The following UNC13B variants were observed in gnomAD, a reference collection of about 807,000 sequenced individuals.
UNC13B encodes protein unc-13 homolog B.
In UNC13B, 144 loss-of-function variants were observed where a neutral mutation model predicts 211.0. That is an observed-to-expected ratio of 0.68 (90% CI 0.60 to 0.78). UNC13B has a LOEUF of 0.78. UNC13B is among the 30% of genes least tolerant of loss of function. The pLI is 0.00. For missense variants in UNC13B, 1,777 were observed against 2,002.0 expected (o/e 0.89, Z 2.14); for synonymous variants, 709 against 725.8 (o/e 0.98, Z 0.37).
rs1053785917 is a variant in UNC13B, at chr9:35,303,777, C to T, written c.4373C>T (p.Pro1458Leu). 10 of 398,638 alleles carry T rather than the reference C, an allele frequency of 2.5e-5. No homozygotes were observed. Among genetic ancestry groups the T allele is most frequent in the African/African-American group, 1.9e-4 (9 of 48,612 alleles). The allele number at this position is 398,638 out of a possible 1,614,324, so 24.7% of individuals were successfully genotyped here. A position where few individuals can be genotyped will look rare whatever the true frequency, so the allele number is the denominator to read the frequency against. The change falls in exon 9 of 40, where the codon CCT (proline) becomes CTT (leucine). Residue 1458 changes from proline to leucine, a missense_variant. Transcript: ENST00000635942. Reference protein sequence around the residue: ...AANSLYGNSGPLPINEANNSL... With the variant: ...AANSLYGNSGLLPINEANNSL... ...AACTCATTATATGGAAACTCTGGTC[C>T]TCTTCCAATTAATGAGGCTAATAAT...
intron 1 of UNC13B, among the ~76,000 whole-genome samples, chr9:35,178,685 G>A (rs1821770326): frequency 6.6e-6 from 1 of 151,714 alleles, no homozygotes; most frequent in South Asian, 2.1e-4. Context: ...GAGGTTAGGA[G>A]TTTGAGACCA....
chr9:35,319,402 CAAAAAAAAAAAAAAAA>C (rs74176715), intron 11 of UNC13B, among the ~76,000 whole-genome samples: 39 of 56,182 alleles, frequency 6.9e-4, no homozygotes, highest in African/African-American at 2.1e-3. Flanking sequence ...GACCCTATCT[CAAAAAAAAAAAAAAAA>C]AAAAAAAAAA....
In UNC13B at chr9:35,243,326, A is replaced by G; in HGVS notation, c.430A>G (p.Lys144Glu). 1 of 1,613,540 alleles carries G rather than the reference A, an allele frequency of 6.2e-7. No homozygotes were observed. The highest frequency in any genetic ancestry group is 8.5e-7 in the Non-Finnish European group (1 of 1,179,594). Residue 144 changes from lysine (K) to glutamate (E), a missense_variant, in exon 6 of 40, where the codon AAA (lysine) becomes GAA (glutamate). Physicochemically the swap from Lys to Glu is moderately conservative, Grantham distance 56. Transcript: ENST00000635942. ...GGAGGAAGCCAGATATTGGACCTAC[A>G]AATGGGAGCAAATCAATGCCTTGGG... Reference protein sequence around the residue: ...PEEEARYWTYKWEQINALGAD... With the variant: ...PEEEARYWTYEWEQINALGAD...
At chr9:35,175,078 C>T (rs1008437730) in intron 1 of UNC13B, among the ~76,000 whole-genome samples, 13 of 152,346 alleles carry the variant, frequency 8.5e-5, no homozygotes, top group Admixed American at 4.6e-4. Flanking sequence ...GGATTACAGG[C>T]GTGAGCCCCT....
At chr9:35,276,681 A>C (rs566015471) in intron 7 of UNC13B, among the ~76,000 whole-genome samples, 15 of 152,224 alleles carry the variant, frequency 9.9e-5, no homozygotes, top group Non-Finnish European at 1.9e-4. Context: ...AGAAATGTGT[A>C]ATATAGAAAG....
intron 7 of UNC13B, among the ~76,000 whole-genome samples, chr9:35,274,617 T>C (rs1192226092): frequency 6.6e-6 from 1 of 152,144 alleles, no homozygotes; most frequent in African/African-American, 2.4e-5. Context: ...ACAATGAAAT[T>C]TGGGGGACAA....
At chr9:35,274,879 T>C (rs1828085686) in intron 7 of UNC13B, among the ~76,000 whole-genome samples, 1 of 152,138 alleles carries the variant, frequency 6.6e-6, no homozygotes, top group African/African-American at 2.4e-5. Flanking sequence ...CTCCATAACT[T>C]TCCCAATCAT....
At chr9:35,357,575 A>ATTTTTTTTTTTTTTTT (rs1833109328) in intron 11 of UNC13B, among the ~76,000 whole-genome samples, 1 of 113,478 alleles carries the variant, frequency 8.8e-6, no homozygotes. Flanking sequence ...ACATTTTTTT[A>ATTTTTTTTTTTTTTTT]TTGTTTTTTT....
chr9:35,265,680 G>C (rs1827528972), intron 7 of UNC13B, among the ~76,000 whole-genome samples: 1 of 152,066 alleles, frequency 6.6e-6, no homozygotes, highest in African/African-American at 2.4e-5. Context: ...GCTCATGCTT[G>C]TAATTTCAGC....
At chr9:35,185,077 A>G (rs539879559) in intron 1 of UNC13B, among the ~76,000 whole-genome samples, 44 of 152,066 alleles carry the variant, frequency 2.9e-4, no homozygotes, top group Non-Finnish European at 4.0e-4. Flanking sequence ...TCTGTTTCCT[A>G]TTAGAAGCCT....
In UNC13B at chr9:35,237,719, G is replaced by C; in HGVS notation, c.287G>C (p.Trp96Ser). 6.2e-7 allele frequency: 1 copy of C among 1,613,434 alleles called. No individual in the cohort carries two copies. Among genetic ancestry groups the C allele is most frequent in the Non-Finnish European group, 8.5e-7 (1 of 1,179,842 alleles). ...GTTTCCTAGGAAGGGCCTGGGGAATGGTCCACATTAGAGGCAGAGACGTTA... is the reference window on the plus strand; with the variant it reads ...GTTTCCTAGGAAGGGCCTGGGGAATCGTCCACATTAGAGGCAGAGACGTTA... ...RQSDEEGPGE[W>S]STLEAETLMK... Residue 96 changes from tryptophan to serine, a missense_variant, in exon 5 of 40, where the codon TGG becomes TCG. By Grantham distance (177) the Trp-to-Ser change is radical. Transcript: ENST00000635942.
chr9:35,220,887 G>C (rs1414020954), intron 1 of UNC13B, among the ~76,000 whole-genome samples: 1 of 151,900 alleles, frequency 6.6e-6, no homozygotes, highest in Non-Finnish European at 1.5e-5. Flanking sequence ...AGTGTACAAG[G>C]GTTCCCTTTC....
chr9:35,219,050 G>C (rs925391176), intron 1 of UNC13B, among the ~76,000 whole-genome samples: 1 of 152,134 alleles, frequency 6.6e-6, no homozygotes, highest in African/African-American at 2.4e-5. Context: ...TGCCCGGCCA[G>C]TGTTCGTGTT....
chr9:35,391,517 G>T lies in UNC13B; in HGVS notation c.11308+803G>T, dbSNP rs189678160. Among the ~76,000 whole-genome samples, 9 of 152,338 alleles carry T rather than the reference G, an allele frequency of 5.9e-5. No individual in the cohort carries two copies. The East Asian group carries it at 1.7e-3, about 29-fold the overall frequency. On this transcript the variant is annotated intron_variant, in intron 26 of 39. Coordinates refer to ENST00000635942, the MANE Select transcript of UNC13B (RefSeq NM_001371189.2). ...CTTGAATGTGTGAGGTTTAGAATCAGTGAGTCTTGAGATTGAAAGAAACCT... is the reference window on the plus strand; with the variant it reads ...CTTGAATGTGTGAGGTTTAGAATCATTGAGTCTTGAGATTGAAAGAAACCT...
intron 10 of UNC13B, among the ~76,000 whole-genome samples, chr9:35,312,117 C>T (rs927724155): frequency 5.9e-5 from 9 of 152,112 alleles, no homozygotes; most frequent in Admixed American, 6.6e-5. Context: ...TTTCCCCTGG[C>T]GGGGACAGTT....
chr9:35,202,654 A>G (rs1325829295), intron 1 of UNC13B, among the ~76,000 whole-genome samples: 5 of 152,080 alleles, frequency 3.3e-5, no homozygotes, highest in Non-Finnish European at 7.4e-5. Flanking sequence ...CTGTTTTGTC[A>G]GAGACTAGGA....
intron 27 of UNC13B, 39 bp from the exon 28 acceptor site, chr9:35,396,802 C>A: frequency 6.2e-7 from 1 of 1,612,454 alleles, no homozygotes; most frequent in Non-Finnish European, 8.5e-7. Context: ...GTATTCCCAC[C>A]GCTAGTTCTA....
chr9:35,216,827 A>G (rs1824274756), intron 1 of UNC13B, among the ~76,000 whole-genome samples: 1 of 152,240 alleles, frequency 6.6e-6, no homozygotes, highest in South Asian at 2.1e-4. Flanking sequence ...GACAGTTGGC[A>G]TATTGGATAT....
rs904297549 is a variant in UNC13B, at chr9:35,301,958, G to A, written c.2554G>A (p.Gly852Ser). 2 of 398,528 alleles carry A rather than the reference G, an allele frequency of 5.0e-6. No homozygotes were observed. The highest frequency in any genetic ancestry group is 6.2e-4 in the Middle Eastern group (1 of 1,612). The allele number at this position is 398,528 out of a possible 1,614,324, so 24.7% of individuals were successfully genotyped here. ...TTTAGAAAGGGGCTCTAAGAAAGAT[G>A]GTCATTCCTTTTCCTTTAGTGGAAA... ...DGLERGSKKDGHSFSFSGKLN... is the reference protein window; with the variant it reads ...DGLERGSKKDSHSFSFSGKLN... Residue 852 changes from glycine (G) to serine (S), a missense_variant, in exon 9 of 40, where the codon GGT (glycine) becomes AGT (serine). Coordinates refer to ENST00000635942, the MANE Select transcript of UNC13B (RefSeq NM_001371189.2).
Sources: gnomAD v4.1 joint callset for allele counts (sites outside exome capture counted in the v4.1 genomes callset) on GRCh38, gnomAD v4.1.1 for gene constraint, MANE v1.5 for transcripts, NCBI Gene and HGNC (gene_info 2026-07-23, HGNC 2026-07-21) for gene names.